RNF115: variants seen among roughly 807,000 people sequenced by gnomAD.
RNF115 encodes E3 ubiquitin-protein ligase RNF115.
A neutral mutation model predicts 39.2 loss-of-function variants in RNF115; 31 were observed. The ratio of observed to expected loss-of-function variants is 0.79; its 90% CI spans 0.59 to 1.07. RNF115 has a LOEUF of 1.07. RNF115 is among the 50% of genes least tolerant of loss of function. The pLI, the probability that RNF115 is intolerant of heterozygous loss-of-function variation, is 0.00. For synonymous variants in RNF115, 124 were observed against 131.0 expected, an observed-to-expected ratio of 0.95 and a Z score of 0.37; for missense variants, 384 against 381.7, an observed-to-expected ratio of 1.01 and a Z score of -0.05.
intron 3 of RNF115, chr1:145,773,775 T>C (rs1285675696): frequency 1.3e-5 from 2 of 152,024 alleles, no homozygotes; most frequent in African/African-American, 4.8e-5. Context: ...GCTTTCAATA[T>C]CTTATTGTTT....
At chr1:145,764,728 G>A (rs1000128423) in intron 4 of RNF115, among the ~76,000 whole-genome samples, 2 of 151,304 alleles carry the variant, frequency 1.3e-5, no homozygotes, top group African/African-American at 4.9e-5. Context: ...GCCCCCGCCC[G>A]GCCAGCTGCC....
At chr1:145,808,035 T>C (rs1167218689) in intron 1 of RNF115, among the ~76,000 whole-genome samples, 2 of 142,128 alleles carry the variant, frequency 1.4e-5, no homozygotes, top group Non-Finnish European at 3.0e-5. Flanking sequence ...TTCTTTCTTA[T>C]GGCCAAACAC....
At chr1:145,766,225 G>GT (rs1328923686) in intron 4 of RNF115, among the ~76,000 whole-genome samples, 20 of 152,254 alleles carry the variant, frequency 1.3e-4, no homozygotes, top group Admixed American at 9.2e-4. Context: ...TCAAGCATCT[G>GT]TTTAACAAAG....
intron 3 of RNF115, among the ~76,000 whole-genome samples, chr1:145,779,642 A>C (rs1368618650): frequency 6.6e-6 from 1 of 152,094 alleles, no homozygotes; most frequent in Admixed American, 6.6e-5. Flanking sequence ...ATAAAGCTAT[A>C]ATCAAGTAAT....
At position 145,747,979 on chromosome 1, in the gene RNF115, G is replaced by C; in HGVS notation, c.783+16C>G. 1 of 1,533,412 alleles carries C rather than the reference G, an allele frequency of 6.5e-7. No homozygotes were observed. The highest frequency in any genetic ancestry group is 9.0e-7 in the Non-Finnish European group (1 of 1,106,596). 95.0% of individuals were successfully genotyped at this position (1,533,412 alleles called of 1,614,324 possible). A position where few individuals can be genotyped will look rare whatever the true frequency, so the allele number is the denominator to read the frequency against. ...CTGAATCATCCCCCAAAGAAGCCAT[G>C]ACTTGCTGTACTCACCAGTTCTAGC... On this transcript the variant is annotated intron_variant, in intron 8 of 8. Transcript: ENST00000582693.
rs1305875856 is a variant in RNF115, at chr1:145,741,143, T to C, written c.*5723A>G. On this transcript the variant is annotated 3_prime_UTR_variant, in exon 9 of 9. Transcript: ENST00000582693. ...ATGAGCCACAATGCCCAGCCAAGAA[T>C]CTAATAATTTTTGGATCTTGAAAAT... 3 of 152,096 alleles carry C rather than the reference T, an allele frequency of 2.0e-5. No individual in the cohort carries two copies. The allele number at this position is 152,096 out of a possible 1,614,324, so 9.4% of individuals were successfully genotyped here. A position where few individuals can be genotyped will look rare whatever the true frequency, so the allele number is the denominator to read the frequency against.
intron 1 of RNF115, among the ~76,000 whole-genome samples, chr1:145,794,502 C>CTTTTTTTTTTTTTTTTTT (rs57242475): frequency 1.2e-5 from 1 of 81,098 alleles, no homozygotes; most frequent in African/African-American, 5.2e-5. Context: ...TAATCTCTTT[C>CTTTTTTTTTTTTTTTTTT]TTTTTTTTTT....
Position 145,808,904 on chromosome 1 carries a change from G to T in RNF115, c.102+14868C>A, listed in dbSNP as rs138187968. The stretch of plus-strand genomic sequence containing the variant: ...ATACCTCACAGTAGTACCTAAATTA[G>T]AAAAGATTCTCTAGAAGAAGCTTTC... On this transcript the variant is annotated intron_variant, in intron 1 of 8. Coordinates refer to ENST00000582693, the MANE Select transcript of RNF115 (RefSeq NM_014455.4). Among the ~76,000 whole-genome samples the T allele has an allele frequency of 8.4e-4, 128 of 152,238 alleles. 4 individuals carry two copies. The East Asian group carries it at 0.023, about 27-fold the overall frequency.
intron 2 of RNF115, 96 bp downstream of exon 2, chr1:145,788,812 G>GT: frequency 1.1e-6 from 1 of 891,602 alleles, no homozygotes; most frequent in South Asian, 1.3e-5. Context: ...TCTGTAGAGT[G>GT]TAAGTTGTAA....
rs186281231 is a variant in RNF115, at chr1:145,784,580, C to T, written c.178G>A (p.Gly60Ser). 145 of 1,613,850 alleles carry T rather than the reference C, an allele frequency of 9.0e-5. No individual in the cohort carries two copies. The highest frequency in any genetic ancestry group is 1.1e-4 in the Non-Finnish European group (133 of 1,179,852). Residue 60 changes from glycine (G) to serine (S), a missense_variant, in exon 3 of 9, where the codon GGC becomes AGC. Transcript: ENST00000582693. ...GTTGTGGTATTGTCTATCCGACTGCCGCCACCACCTAAAAAACTAAAGAGA... is the reference window on the plus strand; with the variant it reads ...GTTGTGGTATTGTCTATCCGACTGCTGCCACCACCTAAAAAACTAAAGAGA... ...TDDSSFLGGG[G>S]SRIDNTTTTH...
chr1:145,800,054 C>G (rs1199415054), intron 1 of RNF115, among the ~76,000 whole-genome samples: 2 of 152,126 alleles, frequency 1.3e-5, no homozygotes, highest in East Asian at 3.8e-4. Flanking sequence ...ATGTGGTATT[C>G]TCTTTACTTT....
In RNF115 at chr1:145,745,816, T is replaced by C. The variant is rs17354678; in HGVS notation, c.*1050A>G. 0.3 allele frequency: 45,420 copies of C among 151,910 alleles called. 7,749 individuals are homozygous for C. The highest frequency in any genetic ancestry group is 0.38 in the Non-Finnish European group (25,701 of 67,914). The allele number at this position is 151,910 out of a possible 1,614,324, so 9.4% of individuals were successfully genotyped here. ...AAACATCTGTCTTTCTGTGCCTGTA[T>C]GCTGCCCAACTCATTCCCAAAAAGG... is the stretch of plus-strand genomic sequence containing the variant. On this transcript the variant is annotated 3_prime_UTR_variant, in exon 9 of 9. Transcript: ENST00000582693.
intron 1 of RNF115, among the ~76,000 whole-genome samples, chr1:145,812,446 G>A (rs1365277745): frequency 6.6e-6 from 1 of 151,078 alleles, no homozygotes; most frequent in Admixed American, 6.6e-5. Context: ...TCACTTGCAA[G>A]GTCAGGAGTT....
At chr1:145,752,255 TCTTA>T (rs1553712585) in intron 5 of RNF115, among the ~76,000 whole-genome samples, 2 of 152,132 alleles carry the variant, frequency 1.3e-5, no homozygotes, top group African/African-American at 4.8e-5. Context: ...TGACAAATCC[TCTTA>T]CTTTGAAAAA....
chr1:145,799,672 T>C (rs1553720597), intron 1 of RNF115, among the ~76,000 whole-genome samples: 1 of 152,028 alleles, frequency 6.6e-6, no homozygotes, highest in African/African-American at 2.4e-5. Flanking sequence ...TATGGTACGA[T>C]CTTTGCTCAC....
At position 145,787,027 on chromosome 1, in the gene RNF115, T is replaced by C. The variant is rs1553718171; in HGVS notation, c.161+1881A>G. The C allele has an allele frequency of 3.1e-6, 4 of 1,271,772 alleles. No homozygotes were observed. The Admixed American group carries it at 9.2e-5, about 29-fold the overall frequency. 78.8% of individuals were successfully genotyped at this position (1,271,772 alleles called of 1,614,324 possible). A position where few individuals can be genotyped will look rare whatever the true frequency, so the allele number is the denominator to read the frequency against. On this transcript the variant is annotated intron_variant, in intron 2 of 8. Coordinates refer to ENST00000582693, the MANE Select transcript of RNF115 (RefSeq NM_014455.4). ...TAGTACATACTGTAAAATGTGTAGT[T>C]TTTCCTGGTTGTGGAAGGGACCTTC...
At chr1:145,803,824 G>A (rs1649351221) in intron 1 of RNF115, among the ~76,000 whole-genome samples, 1 of 152,210 alleles carries the variant, frequency 6.6e-6, no homozygotes, top group East Asian at 1.9e-4. Context: ...AAGACAAAGT[G>A]TTACTTGATA....
chr1:145,813,047 C>T (rs1295248465), intron 1 of RNF115, among the ~76,000 whole-genome samples: 1 of 149,076 alleles, frequency 6.7e-6, no homozygotes, highest in African/African-American at 2.4e-5. Flanking sequence ...GAAACTATAA[C>T]AACAACCTAA....
intron 3 of RNF115, among the ~76,000 whole-genome samples, chr1:145,779,238 G>A (rs959393922): frequency 2.7e-5 from 4 of 150,730 alleles, no homozygotes; most frequent in Non-Finnish European, 4.4e-5. Flanking sequence ...GCAGTGGCAC[G>A]AGCTCAGCTC....
Sources: allele counts gnomAD v4.1 joint callset (sites outside exome capture counted in the v4.1 genomes callset), GRCh38; gene constraint gnomAD v4.1.1; transcripts MANE v1.5; gene names NCBI Gene and HGNC (gene_info 2026-07-23, HGNC 2026-07-21).